Variants in SLC5A10 observed in about 807,000 individuals in gnomAD.
The protein encoded by SLC5A10 is sodium/mannose cotransporter SLC5A10.
SLC5A10 carries 55 observed loss-of-function variants against 68.9 expected under a neutral mutation model. The observed-to-expected ratio is 0.80, with a 90% CI of 0.64 to 1.00. The LOEUF is 1.00. Among genes scored for constraint, SLC5A10 ranks in the 50% least tolerant of loss-of-function variants. The pLI, the probability that SLC5A10 is intolerant of heterozygous loss-of-function variation, is 0.00. For missense variants in SLC5A10, 732 were observed against 819.3 expected (o/e 0.89, Z 1.30); for synonymous variants, 344 against 344.8 (o/e 1.00, Z 0.02).
At chr17:19,015,227 T>TGGGGGCCAGTCCGGGGGC in intron 11 of SLC5A10, 28 bp downstream of exon 11, 1 of 121,052 alleles carries the variant, frequency 8.3e-6, no homozygotes. Flanking sequence ...AGTACGGGGG[T>TGGGGGCCAGTCCGGGGGC]GGGGGAACAC....
At chr17:18,957,686 G>A (rs182562550) in intron 1 of SLC5A10, among the ~76,000 whole-genome samples, 2 of 152,220 alleles carry the variant, frequency 1.3e-5, no homozygotes, top group Non-Finnish European at 2.9e-5. Context: ...GGATGGACTC[G>A]TTCTCTTGAC....
rs571521841 is a variant in SLC5A10 at position 18,957,753 on chromosome 17, C to G, written c.112-929C>G. Among the ~76,000 whole-genome samples the G allele has an allele frequency of 5.3e-5, 8 of 152,000 alleles. No individual in the cohort carries two copies. The East Asian group carries it at 1.6e-3, about 29-fold the overall frequency. On this transcript the variant is annotated intron_variant, in intron 1 of 14. Coordinates refer to ENST00000395645, the MANE Select transcript of SLC5A10 (RefSeq NM_001042450.4). ...TGCTGGGATTACAGGCGTGAGCCAC[C>G]GCGCCAGCCCATTTTAACCATTTTA...
At chr17:19,020,015 T>C in intron 13 of SLC5A10, 87 bp downstream of exon 13, 1 of 1,470,346 alleles carries the variant, frequency 6.8e-7, no homozygotes, top group Non-Finnish European at 9.3e-7. Flanking sequence ...TGACTCAGAA[T>C]TTTCTAGCCC....
intron 1 of SLC5A10, among the ~76,000 whole-genome samples, chr17:18,955,085 C>CAAAA (rs398041580): frequency 8.4e-6 from 1 of 118,804 alleles, no homozygotes; most frequent in East Asian, 2.6e-4. Context: ...AACACTGTAT[C>CAAAA]AAAAAAAAAA....
intron 9 of SLC5A10, among the ~76,000 whole-genome samples, chr17:18,982,594 C>T (rs912374096): frequency 2.0e-5 from 3 of 152,132 alleles, no homozygotes; most frequent in Non-Finnish European, 4.4e-5. Context: ...CAGGGGAGGA[C>T]GGCCGGGTGG....
rs1454937308 is a variant in SLC5A10, at chr17:18,959,510, C to T, written c.289-94C>T. 5 of 1,378,082 alleles carry T rather than the reference C, an allele frequency of 3.6e-6. No homozygotes were observed. In the Admixed American group the frequency reaches 6.8e-5, roughly 19 times the overall value. The allele number at this position is 1,378,082 out of a possible 1,614,324, so 85.4% of individuals were successfully genotyped here. On this transcript the variant is annotated intron_variant, in intron 3 of 14. Transcript: ENST00000395645. ...CAGGAGGGGCTGGGGGAAGCCAGGC[C>T]TCCGGATGGCTCATCCCAGCCATGT...
chr17:19,015,214 GCCA>G lies in SLC5A10; in HGVS notation c.1241+16_1241+18del. 2.6e-6 allele frequency: 1 copy of G among 386,306 alleles called. No homozygotes were observed. Among genetic ancestry groups the G allele is most frequent in the Non-Finnish European group, 5.6e-6 (1 of 177,062 alleles). 23.9% of individuals were successfully genotyped at this position (386,306 alleles called of 1,614,324 possible). On this transcript the variant is annotated intron_variant, in intron 11 of 14. Transcript: ENST00000395645. ...CTGGTGGGACGGTACGGGGGTGGGG[GCCA>G]GTACGGGGGTGGGGGAACACTACAA...
At chr17:18,952,350 G>A (rs1184883502) in intron 1 of SLC5A10, 34 bp downstream of exon 1, 3 of 1,591,716 alleles carry the variant, frequency 1.9e-6, no homozygotes, top group African/African-American at 1.3e-5. Context: ...GGCCAAGTGG[G>A]CTCTCAGGGT....
In SLC5A10 at chr17:19,006,398, T is replaced by G. The variant is rs573617118; in HGVS notation, c.983-7012T>G. Among the ~76,000 whole-genome samples the G allele has an allele frequency of 2.0e-4, 30 of 150,876 alleles. No homozygotes were observed. The South Asian group carries it at 5.2e-3, about 26-fold the overall frequency. On this transcript the variant is annotated intron_variant, in intron 9 of 14. Transcript: ENST00000395645. ...CCAGCTAATTTTTTTTCTTTTTTCT[T>G]TTTTCTTTTTTTTTTTTTTTTGTAG... is the stretch of plus-strand genomic sequence containing the variant.
intron 9 of SLC5A10, chr17:18,978,984 A>G: frequency 1.0e-6 from 1 of 997,568 alleles, no homozygotes; most frequent in Non-Finnish European, 1.5e-6. Flanking sequence ...GGGGGCAGAG[A>G]GCAGGTGCAT....
At chr17:19,010,785 G>A (rs925481989) in intron 9 of SLC5A10, among the ~76,000 whole-genome samples, 1 of 152,202 alleles carries the variant, frequency 6.6e-6, no homozygotes, top group Admixed American at 6.5e-5. Flanking sequence ...CTGGACCCCA[G>A]TGTCCTCAGA....
chr17:18,985,117 C>T (rs184436408), intron 9 of SLC5A10, among the ~76,000 whole-genome samples: 421 of 152,308 alleles, frequency 2.8e-3, no homozygotes, highest in Non-Finnish European at 3.7e-3. Flanking sequence ...GAAAGAAAGC[C>T]GCTCAGCACT....
Position 19,003,751 on chromosome 17 carries a change from G to A in SLC5A10, c.983-9659G>A, listed in dbSNP as rs759973213. The A allele has an allele frequency of 1.9e-5, 30 of 1,605,464 alleles. 1 individual carries two copies. In the South Asian group the frequency reaches 3.3e-4, roughly 18 times the overall value. ...CATCCGCCCCGCTGGCTTCCTCGCC[G>A]TCGCCGACCCCATTGTCCTCGGGCC... On this transcript the variant is annotated intron_variant, in intron 9 of 14. Coordinates refer to ENST00000395645, the MANE Select transcript of SLC5A10 (RefSeq NM_001042450.4). The surrounding 1 kb of genome is among the most constrained non-coding windows in gnomAD (Gnocchi z 4.5).
At chr17:19,005,288 CTGCG>C (rs1284252880) in intron 9 of SLC5A10, among the ~76,000 whole-genome samples, 1 of 152,216 alleles carries the variant, frequency 6.6e-6, no homozygotes, top group Non-Finnish European at 1.5e-5. Context: ...CGGACTGCTT[CTGCG>C]TGGCGGGCAG....
intron 9 of SLC5A10, among the ~76,000 whole-genome samples, chr17:18,992,298 AT>A (rs905541334): frequency 2.0e-5 from 3 of 152,026 alleles, no homozygotes; most frequent in African/African-American, 7.2e-5. Context: ...CATGTGAGAG[AT>A]GCAGAAACTG....
At chr17:18,959,308 G>T in intron 3 of SLC5A10, 69 bp downstream of exon 3, 1 of 1,495,650 alleles carries the variant, frequency 6.7e-7, no homozygotes, top group South Asian at 1.1e-5. Context: ...CACTGGAGGG[G>T]GACAGCTCCC....
At chr17:19,016,029 C>A (rs992713716) in intron 11 of SLC5A10, among the ~76,000 whole-genome samples, 1 of 152,086 alleles carries the variant, frequency 6.6e-6, no homozygotes, top group Non-Finnish European at 1.5e-5. Context: ...TCCCCTGAGT[C>A]CTCAAAGTCC....
At chr17:18,980,300 C>T (rs1272452748) in intron 9 of SLC5A10, among the ~76,000 whole-genome samples, 1 of 152,150 alleles carries the variant, frequency 6.6e-6, no homozygotes, top group Non-Finnish European at 1.5e-5. Context: ...CCACCCAGCA[C>T]CCAGGCCAGG....
chr17:19,022,123 G>A lies in SLC5A10; in HGVS notation c.*1692G>A. ...TGGGCTGAGAAGTCAAACTGGGCCTGGGCAAAGCAGGCCCCAGGTGACTGC... is the reference window on the plus strand; with the variant it reads ...TGGGCTGAGAAGTCAAACTGGGCCTAGGCAAAGCAGGCCCCAGGTGACTGC... On this transcript the variant is annotated 3_prime_UTR_variant, in exon 15 of 15. Coordinates refer to ENST00000395645, the MANE Select transcript of SLC5A10 (RefSeq NM_001042450.4). 6.5e-7 allele frequency: 1 copy of A among 1,533,408 alleles called. No individual in the cohort carries two copies. Among genetic ancestry groups the A allele is most frequent in the Non-Finnish European group, 8.8e-7 (1 of 1,141,494 alleles). 95.0% of individuals were successfully genotyped at this position (1,533,408 alleles called of 1,614,324 possible).
Sources: gnomAD v4.1 joint callset for allele counts (sites outside exome capture counted in the v4.1 genomes callset) on GRCh38, gnomAD v4.1.1 for gene constraint, Gnocchi (gnomAD v3.1) non-coding constraint, MANE v1.5 for transcripts, NCBI Gene and HGNC (gene_info 2026-07-23, HGNC 2026-07-21) for gene names.